MRPL44: variants seen among roughly 807,000 people sequenced by gnomAD.
MRPL44 encodes mitochondrial ribosomal protein L44.
A neutral mutation model predicts 25.9 loss-of-function variants in MRPL44; 21 were observed. The observed-to-expected ratio is 0.81, with a 90% confidence interval of 0.58 to 1.17. The LOEUF (loss-of-function observed/expected upper bound fraction) is 1.17, where lower values mean the gene tolerates loss of function less well. MRPL44 is among the 50% of genes most tolerant of loss of function. The probability of loss-of-function intolerance (pLI) is 0.00; values close to 1 mark genes in which losing one functional copy is unlikely to be tolerated. For synonymous variants in MRPL44, 169 were observed against 151.0 expected (o/e 1.12, Z -0.87); for missense variants, 410 against 398.9 (o/e 1.03, Z -0.24).
At chr2:223,960,580 A>G (rs1280667486) in intron 2 of MRPL44, among the ~76,000 whole-genome samples, 1 of 152,224 alleles carries the variant, frequency 6.6e-6, no homozygotes, top group Non-Finnish European at 1.5e-5. Context: ...GAGTCCACAC[A>G]ATCACTTTAA....
chr2:223,965,029 GA>G, intron 3 of MRPL44, among the ~76,000 whole-genome samples: 1 of 152,038 alleles, frequency 6.6e-6, no homozygotes, highest in African/African-American at 2.4e-5. Context: ...ACATTTTGGA[GA>G]ATGATCTTTT....
chr2:223,961,345 C>T (rs1051592414), intron 2 of MRPL44, among the ~76,000 whole-genome samples: 21 of 152,194 alleles, frequency 1.4e-4, no homozygotes, highest in Non-Finnish European at 2.6e-4. Flanking sequence ...TTTTTTGTGG[C>T]TGGATCATAT....
At chr2:223,964,675 T>C (rs1030919227) in intron 3 of MRPL44, among the ~76,000 whole-genome samples, 27 of 152,204 alleles carry the variant, frequency 1.8e-4, no homozygotes, top group African/African-American at 6.3e-4. Flanking sequence ...TCAGTTTATA[T>C]ACTGCTGGTA....
rs1219688038 is a variant in MRPL44, at chr2:223,967,643, TATC to T, written c.*612_*614del. 6.6e-6 allele frequency: 1 copy of T among 152,212 alleles called. No homozygotes were observed. The highest frequency in any genetic ancestry group is 1.9e-4 in the East Asian group (1 of 5,202). 9.4% of individuals were successfully genotyped at this position (152,212 alleles called of 1,614,324 possible). ...ATTTTATTTGCGTCTAGCTTTGAGGTATCATAATTTATGTATCTTATGTGAATT... is the reference window on the plus strand; with the variant it reads ...ATTTTATTTGCGTCTAGCTTTGAGGTATAATTTATGTATCTTATGTGAATT... On this transcript the variant is annotated 3_prime_UTR_variant, in exon 4 of 4. Transcript: ENST00000258383.
chr2:223,961,627 A>G (rs1321483866), intron 2 of MRPL44, among the ~76,000 whole-genome samples: 1 of 152,170 alleles, frequency 6.6e-6, no homozygotes, highest in Non-Finnish European at 1.5e-5. Context: ...ATGTATTTTG[A>G]TGGTCTTGTG....
At chr2:223,959,173 G>A (rs1689616494) in intron 1 of MRPL44, among the ~76,000 whole-genome samples, 1 of 152,160 alleles carries the variant, frequency 6.6e-6, no homozygotes, top group Admixed American at 6.5e-5. Context: ...GCTTGAATCT[G>A]TGAAATTAAC....
chr2:223,954,950 T>G (rs1486430677), upstream of MRPL44, among the ~76,000 whole-genome samples: 1 of 152,252 alleles, frequency 6.6e-6, no homozygotes, highest in Non-Finnish European at 1.5e-5. Flanking sequence ...TGATGCATTT[T>G]TTTTGAGAAA....
chr2:223,957,378 C>T (rs936615752), upstream of MRPL44: 27 of 1,524,216 alleles, frequency 1.8e-5, no homozygotes, highest in Non-Finnish European at 2.4e-5. Context: ...CCAGCCTTCT[C>T]TTCGCGTTCC....
chr2:223,959,793 G>C lies in MRPL44; in HGVS notation c.439G>C (p.Asp147His). 2.5e-6 allele frequency: 4 copies of C among 1,614,188 alleles called. No homozygotes were observed. Among genetic ancestry groups the C allele is most frequent in the Non-Finnish European group, 3.4e-6 (4 of 1,180,046 alleles). ...LTQFLEDEYP[D>H]MPTEGIKNLV... ...ACAGTTTCTTGAAGACGAGTACCCA[G>C]ACATGCCCACTGAAGGCATAAAAAA... Residue 147 changes from aspartate (D) to histidine (H), a missense_variant, in exon 2 of 4, where the codon GAC (aspartate) becomes CAC (histidine). Physicochemically the swap from Asp to His is moderately conservative, Grantham distance 81 (BLOSUM62 -1). Transcript: ENST00000258383.
intron 1 of MRPL44, among the ~76,000 whole-genome samples, chr2:223,957,852 C>T (rs1024918018): frequency 1.3e-5 from 2 of 152,126 alleles, no homozygotes; most frequent in African/African-American, 4.8e-5. Flanking sequence ...TCGGGCTGTT[C>T]CCGACGTTTT....
Position 223,957,652 on chromosome 2 carries a change from G to T in MRPL44, c.179+1G>T. 6.2e-7 allele frequency: 1 copy of T among 1,604,716 alleles called. No individual in the cohort carries two copies. The highest frequency in any genetic ancestry group is 1.3e-5 in the African/African-American group (1 of 75,010). On this transcript the variant is annotated splice_donor_variant, in intron 1 of 3. Transcript: ENST00000258383. LOFTEE classifies it high-confidence loss of function. ...GGTGCCCGCCGCCGCCCGTGCGCCG[G>T]TAGGAGCCACCTCGGGAAGAGGTCT...
chr2:223,960,609 A>G (rs555470811), intron 2 of MRPL44, among the ~76,000 whole-genome samples: 18 of 152,350 alleles, frequency 1.2e-4, no homozygotes, highest in African/African-American at 4.3e-4. Context: ...AACAGTCTTG[A>G]TTCAGGCACC....
upstream of MRPL44, among the ~76,000 whole-genome samples, chr2:223,952,635 G>A (rs543920854): frequency 2.0e-5 from 3 of 152,250 alleles, no homozygotes; most frequent in Non-Finnish European, 4.4e-5. Flanking sequence ...TTGGCCTAAA[G>A]GTTTTTCAGT....
chr2:223,964,522 TTATAAG>T (rs1176463147), intron 3 of MRPL44, among the ~76,000 whole-genome samples: 1 of 152,170 alleles, frequency 6.6e-6, no homozygotes, highest in Non-Finnish European at 1.5e-5. Flanking sequence ...ACGAAAGACT[TTATAAG>T]TATAAAAGAA....
At chr2:223,960,935 C>A (rs1004588514) in intron 2 of MRPL44, among the ~76,000 whole-genome samples, 1 of 152,186 alleles carries the variant, frequency 6.6e-6, no homozygotes, top group Non-Finnish European at 1.5e-5. Flanking sequence ...TGCGTCTTAA[C>A]AGTTCCAAGT....
At position 223,967,186 on chromosome 2, in the gene MRPL44, TCA is replaced by T; in HGVS notation, c.*155_*156del. ...CAAAATTAAATAAGTGTTAACCAAG[TCA>T]CAGTGTTTTTGGTTTTGTTTTTCTG... On this transcript the variant is annotated 3_prime_UTR_variant, in exon 4 of 4. Transcript: ENST00000258383. The T allele has an allele frequency of 1.3e-6, 1 of 764,088 alleles. No individual in the cohort carries two copies. Among genetic ancestry groups the T allele is most frequent in the Non-Finnish European group, 2.0e-6 (1 of 506,864 alleles). 47.3% of individuals were successfully genotyped at this position (764,088 alleles called of 1,614,324 possible). A position where few individuals can be genotyped will look rare whatever the true frequency, so the allele number is the denominator to read the frequency against.
At chr2:223,959,426 C>A (rs1689620841) in intron 1 of MRPL44, 108 bp from the exon 2 acceptor site, 1 of 865,248 alleles carries the variant, frequency 1.2e-6, no homozygotes, top group African/African-American at 1.7e-5. Flanking sequence ...ATATAACCTT[C>A]TTTCATTTCC....
chr2:223,951,098 T>C, the MRPL44 span, among the ~76,000 whole-genome samples: 6 of 152,212 alleles, frequency 3.9e-5, no homozygotes, highest in Non-Finnish European at 8.8e-5. Flanking sequence ...TGTATTGTCC[T>C]GAAGACAAAG....
chr2:223,964,114 A>G lies in MRPL44; in HGVS notation c.827+180A>G, dbSNP rs148331699. Among the ~76,000 whole-genome samples the G allele has an allele frequency of 1.9e-3, 287 of 152,316 alleles. 1 individual carries two copies. Among genetic ancestry groups the G allele is most frequent in the African/African-American group, 6.7e-3 (280 of 41,556 alleles). Reference sequence around the variant, plus strand: ...TTTTAAAAATCTCTTCCCCATGGTTATTATTTACTACTTCCCTTCCCGCTA... The same window carrying G: ...TTTTAAAAATCTCTTCCCCATGGTTGTTATTTACTACTTCCCTTCCCGCTA... On this transcript the variant is annotated intron_variant, in intron 3 of 3. Transcript: ENST00000258383.
Sources: allele counts gnomAD v4.1 joint callset (sites outside exome capture counted in the v4.1 genomes callset), GRCh38; gene constraint gnomAD v4.1.1; transcripts MANE v1.5; gene names NCBI Gene and HGNC (gene_info 2026-07-23, HGNC 2026-07-21).